The following PPM1L variants were observed in gnomAD, a reference collection of about 807,000 sequenced individuals.
PPM1L encodes protein phosphatase 1L.
Under a neutral mutation model 31.4 loss-of-function variants are expected in PPM1L, and 13 were observed. That is an observed-to-expected ratio of 0.41 (90% confidence interval 0.27 to 0.66). PPM1L has a LOEUF of 0.66. PPM1L is among the 30% of genes least tolerant of loss of function. The pLI is 0.29. For synonymous variants in PPM1L, 184 were observed against 175.4 expected (o/e 1.05, Z -0.39); for missense variants, 326 against 453.7 (o/e 0.72, Z 2.56).
intron 1 of PPM1L, among the ~76,000 whole-genome samples, chr3:160,759,314 C>T (rs1188813029): frequency 6.6e-6 from 1 of 152,212 alleles, no homozygotes; most frequent in African/African-American, 2.4e-5. Context: ...CCATCAAAAA[C>T]TAGGGCCCGT....
At chr3:160,827,240 G>A (rs1321096114) in intron 1 of PPM1L, among the ~76,000 whole-genome samples, 1 of 151,738 alleles carries the variant, frequency 6.6e-6, no homozygotes, top group African/African-American at 2.4e-5. Context: ...CTGCAAATGT[G>A]ATCAGCCTCT....
At chr3:160,910,259 T>TTCCCCC (rs71147392) in intron 1 of PPM1L, among the ~76,000 whole-genome samples, 1 of 50,050 alleles carries the variant, frequency 2.0e-5, no homozygotes, top group East Asian at 5.9e-4. Flanking sequence ...CCCCTTCCCC[T>TTCCCCC]TTCCCCTTCC....
chr3:161,068,138 C>T (rs1394103166), intron 3 of PPM1L, among the ~76,000 whole-genome samples: 3 of 152,082 alleles, frequency 2.0e-5, no homozygotes, highest in Admixed American at 2.0e-4. Context: ...AGGGACTGTG[C>T]CAAATGACTT....
intron 1 of PPM1L, among the ~76,000 whole-genome samples, chr3:160,873,540 AATT>A (rs60234661): frequency 1.4e-4 from 21 of 150,650 alleles, no homozygotes; most frequent in East Asian, 7.8e-4. Flanking sequence ...GCTCTAGTAG[AATT>A]ATTATTATTA....
At chr3:160,929,514 G>A (rs975604612) in intron 1 of PPM1L, among the ~76,000 whole-genome samples, 6 of 152,228 alleles carry the variant, frequency 3.9e-5, no homozygotes, top group Admixed American at 3.9e-4. Flanking sequence ...GGGCAGGAAA[G>A]TGCTTACTTG....
intron 1 of PPM1L, among the ~76,000 whole-genome samples, chr3:160,900,470 A>G (rs915662705): frequency 6.6e-6 from 1 of 152,132 alleles, no homozygotes; most frequent in African/African-American, 2.4e-5. Context: ...CAATATTAAA[A>G]ATGAAAATAT....
intron 1 of PPM1L, among the ~76,000 whole-genome samples, chr3:160,791,134 T>A (rs576645849): frequency 9.2e-5 from 14 of 152,238 alleles, no homozygotes; most frequent in Non-Finnish European, 1.9e-4. Flanking sequence ...TTTATAAGGC[T>A]AAGGTCACAA....
intron 1 of PPM1L, among the ~76,000 whole-genome samples, chr3:160,863,412 C>T (rs1289356134): frequency 4.6e-5 from 7 of 152,320 alleles, no homozygotes; most frequent in African/African-American, 1.4e-4. Flanking sequence ...TGTTATTCCT[C>T]TTTTTCCACT....
At position 160,919,427 on chromosome 3, in the gene PPM1L, A is replaced by G. The variant is rs540685719; in HGVS notation, c.400-42309A>G. Among the ~76,000 whole-genome samples the G allele has an allele frequency of 4.6e-3, 698 of 152,184 alleles. 3 individuals carry two copies. Among genetic ancestry groups the G allele is most frequent in the African/African-American group, 0.016 (670 of 41,516 alleles). ...CTTAAATATAAAAAGGCACACAAAA[A>G]TTTTTCTTAATAACCAATGGGCATT... On this transcript the variant is annotated intron_variant, in intron 1 of 3. Transcript: ENST00000498165.
intron 2 of PPM1L, among the ~76,000 whole-genome samples, chr3:161,045,998 C>T (rs1321255569): frequency 1.3e-5 from 2 of 149,412 alleles, no homozygotes; most frequent in Non-Finnish European, 1.5e-5. Context: ...GTAGTCCCAG[C>T]TACTCGGGAG....
intron 1 of PPM1L, among the ~76,000 whole-genome samples, chr3:160,814,527 ATATG>A (rs1314667209): frequency 1.0e-5 from 1 of 100,220 alleles, no homozygotes; most frequent in African/African-American, 4.3e-5. Context: ...ATACACACAC[ATATG>A]TATGTATGTG....
intron 1 of PPM1L, among the ~76,000 whole-genome samples, chr3:160,847,928 G>A (rs923651307): frequency 3.3e-5 from 5 of 152,052 alleles, no homozygotes; most frequent in African/African-American, 1.2e-4. Flanking sequence ...TGTTCCCTAG[G>A]CATTGTGTTT....
At chr3:160,944,262 T>TG (rs1428376157) in intron 1 of PPM1L, among the ~76,000 whole-genome samples, 1 of 152,092 alleles carries the variant, frequency 6.6e-6, no homozygotes, top group African/African-American at 2.4e-5. Context: ...CATGTCTCTT[T>TG]GGGGCCTTGT....
At chr3:160,867,286 G>A (rs1400099657) in intron 1 of PPM1L, among the ~76,000 whole-genome samples, 1 of 148,360 alleles carries the variant, frequency 6.7e-6, no homozygotes, top group Admixed American at 6.7e-5. Context: ...CTTAAAATCA[G>A]ATTCACATTT....
At chr3:160,912,980 T>A (rs1465110278) in intron 1 of PPM1L, among the ~76,000 whole-genome samples, 1 of 152,210 alleles carries the variant, frequency 6.6e-6, no homozygotes, top group Admixed American at 6.5e-5. Context: ...CTTTGAGTTG[T>A]TCATTTGGTG....
At chr3:160,923,856 C>T (rs188708446) in intron 1 of PPM1L, among the ~76,000 whole-genome samples, 72 of 152,240 alleles carry the variant, frequency 4.7e-4, no homozygotes, top group Middle Eastern at 3.4e-3. Context: ...ACAGTCCTCT[C>T]CTTGGGCTCT....
intron 2 of PPM1L, among the ~76,000 whole-genome samples, chr3:160,981,155 G>A (rs114417514): frequency 9.5e-4 from 145 of 152,250 alleles, no homozygotes; most frequent in African/African-American, 3.4e-3. Context: ...TTCTAATACT[G>A]TGTATTAGTT....
At position 161,035,414 on chromosome 3, in the gene PPM1L, A is replaced by G. The variant is rs151018223; in HGVS notation, c.575-29989A>G. Among the ~76,000 whole-genome samples the G allele has an allele frequency of 3.3e-5, 5 of 152,306 alleles. No individual in the cohort carries two copies. In the East Asian group the frequency reaches 9.6e-4, roughly 29 times the overall value. On this transcript the variant is annotated intron_variant, in intron 2 of 3. Transcript: ENST00000498165. ...AAGAGGAAAGAGCTAATTTTGAGATAAGTAACCATTGCTTCTAATTCTTTA... is the reference window on the plus strand; with the variant it reads ...AAGAGGAAAGAGCTAATTTTGAGATGAGTAACCATTGCTTCTAATTCTTTA...
intron 1 of PPM1L, among the ~76,000 whole-genome samples, chr3:160,788,896 A>G (rs1260527008): frequency 6.6e-6 from 1 of 151,948 alleles, no homozygotes; most frequent in East Asian, 1.9e-4. Context: ...AAGCCAGTGT[A>G]AACAACCTGT....
Sources: allele counts gnomAD v4.1 joint callset (sites outside exome capture counted in the v4.1 genomes callset), GRCh38; gene constraint gnomAD v4.1.1; transcripts MANE v1.5; gene names NCBI Gene and HGNC (gene_info 2026-07-23, HGNC 2026-07-21).